The following MTUS1 variants were observed in gnomAD, a reference collection of about 807,000 sequenced individuals.
MTUS1 encodes microtubule associated scaffold protein 1.
A neutral mutation model predicts 120.8 loss-of-function variants in MTUS1; 109 were observed. That is an observed-to-expected ratio of 0.90 (90% CI 0.77 to 1.06). The LOEUF is 1.06. Among genes scored for constraint, MTUS1 ranks in the 50% least tolerant of loss-of-function variants. The pLI is 0.00. For synonymous variants in MTUS1, 737 were observed against 550.5 expected, an observed-to-expected ratio of 1.34 and a Z score of -4.74; for missense variants, 2,210 against 1,486.3, an observed-to-expected ratio of 1.49 and a Z score of -8.01.
intron 3 of MTUS1, among the ~76,000 whole-genome samples, chr8:17,729,768 T>A (rs920720765): frequency 8.0e-5 from 12 of 150,694 alleles, no homozygotes; most frequent in African/African-American, 2.4e-4. Context: ...CAAAAAAAAA[T>A]TTAGAACAGA....
At position 17,670,904 on chromosome 8, in the gene MTUS1, T is replaced by C. The variant is rs192272225; in HGVS notation, c.2905+4282A>G. ...AACAAGCCAGAGACAAAAAACAGCA[T>C]ACTATATCTTTCCATTTAAATGAGA... On this transcript the variant is annotated intron_variant, in intron 8 of 14. Coordinates refer to ENST00000693296, the MANE Select transcript of MTUS1 (RefSeq NM_001363059.2). 4.9e-3 allele frequency among the ~76,000 whole-genome samples: 751 copies of C among 152,216 alleles called. 28 individuals are homozygous for C. The highest frequency in any genetic ancestry group is 0.046 in the Admixed American group (709 of 15,290).
At chr8:17,694,548 A>C (rs545312751) in intron 6 of MTUS1, among the ~76,000 whole-genome samples, 1 of 152,136 alleles carries the variant, frequency 6.6e-6, no homozygotes, top group Admixed American at 6.5e-5. Flanking sequence ...GGCACCTGTA[A>C]TCCCAGCTAC....
intron 2 of MTUS1, among the ~76,000 whole-genome samples, chr8:17,744,892 A>C (rs940659197): frequency 6.6e-6 from 1 of 152,036 alleles, no homozygotes; most frequent in Non-Finnish European, 1.5e-5. Flanking sequence ...TATGATCTGT[A>C]AGTCCCTACT....
intron 1 of MTUS1, among the ~76,000 whole-genome samples, chr8:17,776,503 AC>A (rs1265032564): frequency 2.6e-5 from 4 of 151,798 alleles, no homozygotes; most frequent in African/African-American, 7.3e-5. Flanking sequence ...ACGTGGTGAA[AC>A]CCCGTCTCTA....
intron 7 of MTUS1, among the ~76,000 whole-genome samples, chr8:17,677,516 A>G (rs1371485933): frequency 3.3e-5 from 5 of 152,240 alleles, no homozygotes; most frequent in African/African-American, 1.2e-4. Flanking sequence ...TACAGTTAGT[A>G]TAACTGCAAA....
chr8:17,718,445 G>A lies in MTUS1; in HGVS notation c.2450-2544C>T, dbSNP rs536994362. 4.1e-4 allele frequency among the ~76,000 whole-genome samples: 63 copies of A among 152,164 alleles called. 1 individual carries two copies. Among genetic ancestry groups the A allele is most frequent in the Middle Eastern group, 3.4e-3 (1 of 294 alleles). On this transcript the variant is annotated intron_variant, in intron 4 of 14. Transcript: ENST00000693296. ...TATGAATAACAAGGGTCTGAATATC[G>A]GGTATGGGAATAGACAGTGCATTCG...
At chr8:17,749,424 C>A (rs376327048) in intron 2 of MTUS1, among the ~76,000 whole-genome samples, 27 of 151,880 alleles carry the variant, frequency 1.8e-4, no homozygotes, top group African/African-American at 5.8e-4. Flanking sequence ...TTTGAGAAGC[C>A]GAGGTGGGCA....
intron 2 of MTUS1, chr8:17,748,312 A>G (rs1394375064): frequency 1.3e-5 from 2 of 152,202 alleles, no homozygotes; most frequent in Non-Finnish European, 2.9e-5. Context: ...TCCCGTCTTC[A>G]GCTACCCTCT....
chr8:17,760,469 T>A (rs1363082324), intron 1 of MTUS1, among the ~76,000 whole-genome samples: 1 of 152,012 alleles, frequency 6.6e-6, no homozygotes, highest in Non-Finnish European at 1.5e-5. Flanking sequence ...AAGAAAACAA[T>A]GGCTTTAAGT....
At chr8:17,780,582 C>T (rs1241701221) in intron 1 of MTUS1, among the ~76,000 whole-genome samples, 3 of 152,144 alleles carry the variant, frequency 2.0e-5, no homozygotes, top group African/African-American at 7.2e-5. Context: ...CCTCTCTCCC[C>T]AGTAGCAACT....
At chr8:17,740,928 C>G (rs992123961) in intron 3 of MTUS1, among the ~76,000 whole-genome samples, 6 of 152,166 alleles carry the variant, frequency 3.9e-5, no homozygotes, top group Non-Finnish European at 5.9e-5. Context: ...TGCAATGGTG[C>G]TATCTCGGCT....
chr8:17,742,687 T>G (rs2131263102), intron 3 of MTUS1, among the ~76,000 whole-genome samples: 1 of 152,284 alleles, frequency 6.6e-6, no homozygotes, highest in South Asian at 2.1e-4. Flanking sequence ...AAAACATTTC[T>G]AAGCATTACA....
intron 4 of MTUS1, chr8:17,716,703 C>T (rs973471568): frequency 2.0e-5 from 3 of 152,332 alleles, no homozygotes; most frequent in Non-Finnish European, 4.4e-5. Context: ...TACAGGCGCC[C>T]GCGGCCACAC....
rs183110835 is a variant in MTUS1 at position 17,646,449 on chromosome 8, A to G, written c.3600-310T>C. ...TTAAAAATACAAAAATTAGTCACGCATGGTGACATGTGCCTGTAGTCCCAG... is the reference window on the plus strand; with the variant it reads ...TTAAAAATACAAAAATTAGTCACGCGTGGTGACATGTGCCTGTAGTCCCAG... On this transcript the variant is annotated intron_variant, in intron 14 of 14. Transcript: ENST00000693296. 1.7e-3 allele frequency among the ~76,000 whole-genome samples: 256 copies of G among 152,240 alleles called. 1 individual carries two copies. In the Middle Eastern group the frequency reaches 0.017, roughly 10 times the overall value.
chr8:17,757,640 C>T (rs2048724388), intron 1 of MTUS1, among the ~76,000 whole-genome samples: 1 of 152,152 alleles, frequency 6.6e-6, no homozygotes, highest in Non-Finnish European at 1.5e-5. Context: ...AATCTTCCTG[C>T]CTCAGCCTCC....
chr8:17,712,362 G>T (rs1821481570), intron 6 of MTUS1, among the ~76,000 whole-genome samples: 2 of 151,392 alleles, frequency 1.3e-5, no homozygotes, highest in Non-Finnish European at 2.9e-5. Flanking sequence ...TTTGAGACAG[G>T]GTCTCACTGT....
intron 1 of MTUS1, among the ~76,000 whole-genome samples, chr8:17,775,634 C>T (rs2050364664): frequency 1.3e-5 from 2 of 152,322 alleles, no homozygotes; most frequent in African/African-American, 4.8e-5. Context: ...ATAAAAGAGA[C>T]ATTATATCAT....
At position 17,723,866 on chromosome 8, in the gene MTUS1, T is replaced by G. The variant is rs2046014304; in HGVS notation, c.2288-33A>C. 6 of 1,510,200 alleles carry G rather than the reference T, an allele frequency of 4.0e-6. No homozygotes were observed. In the Admixed American group the frequency reaches 6.7e-5, roughly 17 times the overall value. The allele number at this position is 1,510,200 out of a possible 1,614,324, so 93.5% of individuals were successfully genotyped here. ...TTTAAAAAAAACAAAAAGTTTCCAG[T>G]GCTATTCATCCCGAAAGCTGGCACT... On this transcript the variant is annotated intron_variant, in intron 3 of 14. Coordinates refer to ENST00000693296, the MANE Select transcript of MTUS1 (RefSeq NM_001363059.2).
chr8:17,681,197 G>C (rs1476820465), intron 7 of MTUS1, among the ~76,000 whole-genome samples: 1 of 152,190 alleles, frequency 6.6e-6, no homozygotes, highest in East Asian at 1.9e-4. Context: ...GCCTCCCCAA[G>C]TGCTGGGATT....
Sources: gnomAD v4.1 joint callset for allele counts (sites outside exome capture counted in the v4.1 genomes callset) on GRCh38, gnomAD v4.1.1 for gene constraint, MANE v1.5 for transcripts, NCBI Gene and HGNC (gene_info 2026-07-23, HGNC 2026-07-21) for gene names.